Variants in MUC22 observed in about 807,000 individuals in gnomAD.
MUC22 encodes mucin-22.
MUC22 carries 24 observed loss-of-function variants against 40.3 expected under a neutral mutation model. The observed-to-expected ratio is 0.60, with a 90% CI of 0.43 to 0.84. The LOEUF is 0.84. Ranked by LOEUF, MUC22 falls within the 40% of genes least tolerant of loss-of-function variation. MUC22 has a pLI of 0.00. For synonymous variants in MUC22, 765 were observed against 844.5 expected (o/e 0.91, Z 1.63); for missense variants, 1,926 against 2,130.7 (o/e 0.90, Z 1.89).
chr6:31,025,361 A>G, intron 1 of MUC22, 141 bp from the exon 2 acceptor site: 1 of 973,960 alleles, frequency 1.0e-6, no homozygotes, highest in Non-Finnish European at 1.4e-6. Flanking sequence ...GTTTAGTAAA[A>G]TACCAGGTAC....
chr6:31,031,175 C>T (rs534155825), intron 2 of MUC22, among the ~76,000 whole-genome samples: 16 of 152,152 alleles, frequency 1.1e-4, no homozygotes, highest in Non-Finnish European at 2.4e-4. Context: ...GCACACCCAT[C>T]GCTACCTAAG....
At chr6:31,022,508 A>G (rs1237959307) in intron 1 of MUC22, among the ~76,000 whole-genome samples, 1 of 151,926 alleles carries the variant, frequency 6.6e-6, no homozygotes, top group Non-Finnish European at 1.5e-5. Context: ...ATTTAGATCT[A>G]TGCAAAAAAG....
chr6:31,031,168 C>T (rs1325838269), intron 2 of MUC22, among the ~76,000 whole-genome samples: 4 of 152,178 alleles, frequency 2.6e-5, no homozygotes, highest in Non-Finnish European at 5.9e-5. Flanking sequence ...GACCTAGGCA[C>T]ACCCATCGCT....
rs191889660 is a variant in MUC22, at chr6:31,024,768, T to G, written c.71-734T>G. ...ACATTCCAGCCACCCTGGTCTCCTA[T>G]TTATTCATGAATCACATCGAGCTCA... On this transcript the variant is annotated intron_variant, in intron 1 of 3. Coordinates refer to ENST00000561890, the Ensembl canonical transcript of MUC22. Among the ~76,000 whole-genome samples, 8 of 152,338 alleles carry G rather than the reference T, an allele frequency of 5.3e-5. No homozygotes were observed. The East Asian group carries it at 1.5e-3, about 29-fold the overall frequency.
rs1343148760 is a variant in MUC22, at chr6:31,028,774, AC to A, written c.3345del (p.Thr1116ProfsTer16). 6.5e-7 allele frequency: 1 copy of A among 1,533,474 alleles called. No individual in the cohort carries two copies. Among genetic ancestry groups the A allele is most frequent in the African/African-American group, 1.4e-5 (1 of 72,788 alleles). The allele number at this position is 1,533,474 out of a possible 1,614,324, so 95.0% of individuals were successfully genotyped here. On this transcript the variant is annotated frameshift_variant, in exon 2 of 4. Coordinates refer to ENST00000561890, the Ensembl canonical transcript of MUC22. LOFTEE classifies it high-confidence loss of function. ...TACAGCCTCTACTGAAGGCTCTGAG[AC>A]CACCACAGCCTCTACTGAAAGCTCT...
chr6:31,026,442 C>T (rs1196747551), exon 2 of MUC22: 2 of 1,507,276 alleles, frequency 1.3e-6, no homozygotes, highest in South Asian at 2.4e-5. Flanking sequence ...GCTCTGGGAC[C>T]ACCACAGCTT....
chr6:31,010,948 A>C (rs1763826600), intron 1 of MUC22, among the ~76,000 whole-genome samples, 172 bp downstream of exon 1: 2 of 143,170 alleles, frequency 1.4e-5, no homozygotes, highest in Admixed American at 7.2e-5. Flanking sequence ...TCCCAATTCC[A>C]CTGACCATGA....
Position 31,018,016 on chromosome 6 carries a change from C to G in MUC22, c.70+7240C>G, listed in dbSNP as rs6910636. ...ATCACGAACCCACCAGAAGAAACGC[C>G]GAACACATCTGAACATCAGAAGGAA... On this transcript the variant is annotated intron_variant, in intron 1 of 3. Transcript: ENST00000561890. Among the ~76,000 whole-genome samples the G allele has an allele frequency of 5.4e-3, 822 of 152,188 alleles. 5 individuals are homozygous for G. The highest frequency in any genetic ancestry group is 0.013 in the African/African-American group (524 of 41,510).
chr6:31,029,927 C>T (rs2150806025), exon 2 of MUC22: 1 of 1,517,724 alleles, frequency 6.6e-7, no homozygotes, highest in Non-Finnish European at 8.8e-7. Flanking sequence ...ACCATAGCTT[C>T]CACTGCAAGC....
At chr6:31,022,962 TCTA>T (rs2150774437) in intron 1 of MUC22, among the ~76,000 whole-genome samples, 1 of 151,996 alleles carries the variant, frequency 6.6e-6, no homozygotes, top group Admixed American at 6.5e-5. Context: ...AAACCCTGTC[TCTA>T]CTAAAAATAC....
Position 31,018,894 on chromosome 6 carries a change from G to A in MUC22, c.71-6608G>A, listed in dbSNP as rs181649692. 7.2e-5 allele frequency among the ~76,000 whole-genome samples: 11 copies of A among 152,214 alleles called. No individual in the cohort carries two copies. The East Asian group carries it at 2.1e-3, about 29-fold the overall frequency. On this transcript the variant is annotated intron_variant, in intron 1 of 3. Transcript: ENST00000561890. ...CTCCTTCTCAGTCTCATTCATTTGCGTCTCCTCCTCTATCTGAGTGATGCA... is the reference window on the plus strand; with the variant it reads ...CTCCTTCTCAGTCTCATTCATTTGCATCTCCTCCTCTATCTGAGTGATGCA...
At chr6:31,030,675 C>T (rs944569510) in intron 2 of MUC22, among the ~76,000 whole-genome samples, 1 of 152,008 alleles carries the variant, frequency 6.6e-6, no homozygotes, top group African/African-American at 2.4e-5. Context: ...CCAGCAAGCC[C>T]GCCTCAACTC....
chr6:31,022,631 CAT>C (rs1764953476), intron 1 of MUC22, among the ~76,000 whole-genome samples: 1 of 151,648 alleles, frequency 6.6e-6, no homozygotes, highest in African/African-American at 2.4e-5. Flanking sequence ...TATATGTAGA[CAT>C]AAAATGTATG....
At chr6:31,014,231 T>A (rs1634725) in intron 1 of MUC22, among the ~76,000 whole-genome samples, 36,389 of 152,116 alleles carry the variant, frequency 0.24, 4,809 homozygotes, top group Non-Finnish European at 0.3. Context: ...GCCTCATTTT[T>A]AAAATGTCCA....
rs961237462 is a variant in MUC22 at position 31,025,489 on chromosome 6, T to C, written c.71-13T>C. ...TAACCCATTCCCACCACCTTATTTG[T>C]TCTCCACCTCAGGCTCTGAGAATAC... On this transcript the variant is annotated splice_polypyrimidine_tract_variant and intron_variant, in intron 1 of 3. Transcript: ENST00000561890. 4.8e-6 allele frequency: 7 copies of C among 1,469,312 alleles called. No individual in the cohort carries two copies. In the African/African-American group the frequency reaches 9.3e-5, roughly 20 times the overall value. 91.0% of individuals were successfully genotyped at this position (1,469,312 alleles called of 1,614,324 possible). A position where few individuals can be genotyped will look rare whatever the true frequency, so the allele number is the denominator to read the frequency against.
At chr6:31,017,752 G>A (rs1018501299) in intron 1 of MUC22, among the ~76,000 whole-genome samples, 16 of 143,284 alleles carry the variant, frequency 1.1e-4, no homozygotes, top group African/African-American at 3.4e-4. Context: ...AAAACCAATC[G>A]GCGCTCTGTA....
At chr6:31,019,554 A>C (rs1342996297) in intron 1 of MUC22, among the ~76,000 whole-genome samples, 2 of 152,190 alleles carry the variant, frequency 1.3e-5, no homozygotes, top group African/African-American at 4.8e-5. Flanking sequence ...CCAGAGAAGG[A>C]TATAAGAAAC....
rs373762577 is a variant in MUC22, at chr6:31,017,702, C to A, written c.70+6926C>A. Among the ~76,000 whole-genome samples the A allele has an allele frequency of 3.0e-3, 453 of 152,190 alleles. 1 individual carries two copies. The highest frequency in any genetic ancestry group is 0.015 in the South Asian group (71 of 4,816). On this transcript the variant is annotated intron_variant, in intron 1 of 3. Coordinates refer to ENST00000561890, the Ensembl canonical transcript of MUC22. ...TCTAGCTCAGGGATTGTAAACACAC[C>A]AATCAGCACCTTGTCAAAACAGACC... is the stretch of plus-strand genomic sequence containing the variant.
chr6:31,020,735 CG>C (rs1322584469), intron 1 of MUC22, among the ~76,000 whole-genome samples: 1 of 152,136 alleles, frequency 6.6e-6, no homozygotes, highest in Non-Finnish European at 1.5e-5. Flanking sequence ...GAGGTGCGAG[CG>C]GGAACCGGGA....
Sources: gnomAD v4.1 joint callset for allele counts (sites outside exome capture counted in the v4.1 genomes callset) on GRCh38, gnomAD v4.1.1 for gene constraint, MANE v1.5 for transcripts, NCBI Gene and HGNC (gene_info 2026-07-23, HGNC 2026-07-21) for gene names.